SHISAL1: variants seen among roughly 807,000 people sequenced by gnomAD.
SHISAL1 encodes the protein shisa like 1.
In SHISAL1, 9 loss-of-function variants were observed where a neutral mutation model predicts 22.6. The observed-to-expected ratio is 0.40, with a 90% CI of 0.24 to 0.70. SHISAL1 has a LOEUF of 0.70. SHISAL1 is among the 30% of genes least tolerant of loss of function. The probability of loss-of-function intolerance (pLI) is 0.39; values close to 1 mark genes in which losing one functional copy is unlikely to be tolerated. For missense variants in SHISAL1, 246 were observed against 270.6 expected, an observed-to-expected ratio of 0.91 and a Z score of 0.64; for synonymous variants, 119 against 115.4, an observed-to-expected ratio of 1.03 and a Z score of -0.20.
At chr22:44,330,822 C>T in the SHISAL1 span, among the ~76,000 whole-genome samples, 2 of 152,198 alleles carry the variant, frequency 1.3e-5, no homozygotes, top group African/African-American at 2.4e-5. Flanking sequence ...ACCCCAGCCC[C>T]GGGCGCGGGA....
chr22:44,271,760 G>A (rs530325076), intron 4 of SHISAL1, among the ~76,000 whole-genome samples: 4 of 152,212 alleles, frequency 2.6e-5, no homozygotes, highest in South Asian at 2.1e-4. Context: ...TACTGCCACC[G>A]GCCCAACCAC....
upstream of SHISAL1, among the ~76,000 whole-genome samples, chr22:44,317,473 A>G (rs1185290796): frequency 6.6e-6 from 1 of 152,176 alleles, no homozygotes; most frequent in Non-Finnish European, 1.5e-5. Context: ...TGGCCCCATC[A>G]GCTTTCCTAG....
chr22:44,323,544 T>TCATC, the SHISAL1 span, among the ~76,000 whole-genome samples: 10,850 of 100,218 alleles, frequency 0.11, 1,712 homozygotes, highest in East Asian at 0.19. Flanking sequence ...ACCCACCCAT[T>TCATC]CATCCATCCA....
chr22:44,300,131 A>T (rs2147301885), intron 2 of SHISAL1, among the ~76,000 whole-genome samples: 1 of 151,956 alleles, frequency 6.6e-6, no homozygotes, highest in South Asian at 2.1e-4. Flanking sequence ...AGACAGAGAG[A>T]CAGAGAGACA....
chr22:44,260,353 C>T (rs61445875), intron 4 of SHISAL1, among the ~76,000 whole-genome samples: 3,242 of 152,328 alleles, frequency 0.021, 125 homozygotes, highest in African/African-American at 0.073. Flanking sequence ...CTCGAACCTC[C>T]GTGCTGCACA....
chr22:44,262,719 G>C (rs1369081331), intron 4 of SHISAL1, among the ~76,000 whole-genome samples: 1 of 152,224 alleles, frequency 6.6e-6, no homozygotes, highest in African/African-American at 2.4e-5. Context: ...TGCCCTGCTG[G>C]CCCTAGTGGC....
chr22:44,303,726 G>C (rs756707643), intron 1 of SHISAL1, among the ~76,000 whole-genome samples: 25 of 152,204 alleles, frequency 1.6e-4, no homozygotes, highest in Non-Finnish European at 3.5e-4. Context: ...TGGAAGGGCT[G>C]GGTTGGGTCC....
chr22:44,316,414 T>TGG (rs569428797), upstream of SHISAL1, among the ~76,000 whole-genome samples: 1 of 75,534 alleles, frequency 1.3e-5, no homozygotes, highest in Admixed American at 1.8e-4. Context: ...GGGTGGGGGG[T>TGG]GGGGGGGCAA....
intron 4 of SHISAL1, among the ~76,000 whole-genome samples, chr22:44,259,029 G>C (rs575018618): frequency 1.3e-5 from 2 of 152,132 alleles, no homozygotes; most frequent in South Asian, 4.1e-4. Context: ...TGGCTGACTC[G>C]ACCATGAGGC....
chr22:44,325,148 C>A, the SHISAL1 span, among the ~76,000 whole-genome samples: 2 of 151,174 alleles, frequency 1.3e-5, no homozygotes, highest in African/African-American at 4.9e-5. Flanking sequence ...GAGGCTGAGG[C>A]AAGAGAATCG....
intron 4 of SHISAL1, among the ~76,000 whole-genome samples, chr22:44,256,912 G>A (rs1265949260): frequency 6.6e-6 from 1 of 152,200 alleles, no homozygotes; most frequent in Non-Finnish European, 1.5e-5. Flanking sequence ...CAGACCAATT[G>A]CCAAGAAGAG....
the SHISAL1 span, among the ~76,000 whole-genome samples, chr22:44,326,507 T>C: frequency 6.6e-6 from 1 of 152,134 alleles, no homozygotes; most frequent in South Asian, 2.1e-4. Context: ...TCCAGGGAAG[T>C]GTGACCAAAA....
At chr22:44,327,647 A>G in the SHISAL1 span, among the ~76,000 whole-genome samples, 1 of 152,010 alleles carries the variant, frequency 6.6e-6, no homozygotes, top group Non-Finnish European at 1.5e-5. Flanking sequence ...CTTAGGGGTC[A>G]AGGAATGTGT....
the SHISAL1 span, among the ~76,000 whole-genome samples, chr22:44,327,240 GCACACACACACACACACACACA>G: frequency 2.8e-5 from 4 of 145,016 alleles, no homozygotes; most frequent in Middle Eastern, 3.5e-3. Context: ...TGGGGGGCGC[GCACACACACACACACACACACA>G]CACACACACA....
chr22:44,315,549 T>C (rs1052918060), upstream of SHISAL1, among the ~76,000 whole-genome samples: 1 of 152,018 alleles, frequency 6.6e-6, no homozygotes, highest in South Asian at 2.1e-4. Context: ...AGTTATAAAC[T>C]CTCTGTGCCT....
At chr22:44,264,368 C>T (rs1195628928) in intron 4 of SHISAL1, among the ~76,000 whole-genome samples, 6 of 152,210 alleles carry the variant, frequency 3.9e-5, no homozygotes, top group African/African-American at 1.2e-4. Flanking sequence ...TTTTGGCAGC[C>T]TCTCTCCAAG....
At chr22:44,323,637 C>T in the SHISAL1 span, among the ~76,000 whole-genome samples, 1 of 148,072 alleles carries the variant, frequency 6.8e-6, no homozygotes, top group African/African-American at 2.5e-5. Flanking sequence ...TGCATCCATC[C>T]ACCCACTCAC....
rs1345444587 is a variant in SHISAL1, at chr22:44,247,351, C to T, written c.*2334G>A. On this transcript the variant is annotated 3_prime_UTR_variant, in exon 5 of 5. Transcript: ENST00000381176. ...GTCTTGGGCCCCCACCTCAAGGCTTCCTCTGCCTTCTGAGGCACTGCACGT... is the reference window on the plus strand; with the variant it reads ...GTCTTGGGCCCCCACCTCAAGGCTTTCTCTGCCTTCTGAGGCACTGCACGT... 1 of 152,320 alleles carries T rather than the reference C, an allele frequency of 6.6e-6. No homozygotes were observed. The highest frequency in any genetic ancestry group is 2.4e-5 in the African/African-American group (1 of 41,464). 9.4% of individuals were successfully genotyped at this position (152,320 alleles called of 1,614,324 possible).
chr22:44,250,891 G>C (rs117515413), intron 4 of SHISAL1, among the ~76,000 whole-genome samples: 1 of 152,144 alleles, frequency 6.6e-6, no homozygotes, highest in East Asian at 1.9e-4. Context: ...GAGTGGCTCC[G>C]ACCAAGCCAG....
Sources: allele counts gnomAD v4.1 joint callset (sites outside exome capture counted in the v4.1 genomes callset), GRCh38; gene constraint gnomAD v4.1.1; transcripts MANE v1.5; gene names NCBI Gene and HGNC (gene_info 2026-07-23, HGNC 2026-07-21).